NXPE2: variants seen among roughly 807,000 people sequenced by gnomAD.
The protein encoded by NXPE2 is NXPE family member 2.
In NXPE2, 34 loss-of-function variants were observed where a neutral mutation model predicts 34.4. That is an observed-to-expected ratio of 0.99 (90% CI 0.75 to 1.31). NXPE2 has a LOEUF of 1.31. NXPE2 is among the 40% of genes most tolerant of loss of function. The pLI is 0.00. For missense variants in NXPE2, 649 were observed against 672.5 expected, an observed-to-expected ratio of 0.97 and a Z score of 0.39; for synonymous variants, 235 against 231.3, an observed-to-expected ratio of 1.02 and a Z score of -0.15.
chr11:114,714,414 C>G, the NXPE2 span, among the ~76,000 whole-genome samples: 12 of 152,192 alleles, frequency 7.9e-5, no homozygotes, highest in African/African-American at 2.7e-4. Context: ...GGCTTTAGTC[C>G]TCTATAGGCT....
chr11:114,745,193 G>C, the NXPE2 span, among the ~76,000 whole-genome samples: 2 of 152,154 alleles, frequency 1.3e-5, no homozygotes, highest in African/African-American at 4.8e-5. Flanking sequence ...ACCTGAGGCT[G>C]GGTAATTTAT....
chr11:114,633,924 T>C, the NXPE2 span, among the ~76,000 whole-genome samples: 1 of 152,034 alleles, frequency 6.6e-6, no homozygotes, highest in Non-Finnish European at 1.5e-5. Context: ...AATAAACATA[T>C]GTGTGCATGT....
At chr11:114,621,255 G>A in the NXPE2 span, among the ~76,000 whole-genome samples, 14 of 152,036 alleles carry the variant, frequency 9.2e-5, no homozygotes, top group African/African-American at 2.2e-4. Context: ...TGGATAATAC[G>A]TGTTGCCTCA....
chr11:114,489,087 G>C, the NXPE2 span, among the ~76,000 whole-genome samples: 2,586 of 152,232 alleles, frequency 0.017, 80 homozygotes, highest in African/African-American at 0.058. Flanking sequence ...ACACCTCTAT[G>C]CAAATAAACT....
the NXPE2 span, among the ~76,000 whole-genome samples, chr11:114,491,100 T>C: frequency 1.4e-5 from 2 of 138,472 alleles, no homozygotes; most frequent in Non-Finnish European, 3.1e-5. Context: ...AAGCAGAGCT[T>C]GCAGTGAGCC....
the NXPE2 span, among the ~76,000 whole-genome samples, chr11:114,593,112 G>A: frequency 6.6e-6 from 1 of 152,048 alleles, no homozygotes; most frequent in Non-Finnish European, 1.5e-5. Context: ...GGACACTGAT[G>A]TAGCCAGAGG....
chr11:114,655,702 G>A, the NXPE2 span, among the ~76,000 whole-genome samples: 270 of 152,262 alleles, frequency 1.8e-3, 2 homozygotes, highest in Middle Eastern at 0.01. Flanking sequence ...TTTGGTAGCA[G>A]TACCATGCTG....
At chr11:114,604,512 C>A in the NXPE2 span, among the ~76,000 whole-genome samples, 2 of 152,004 alleles carry the variant, frequency 1.3e-5, no homozygotes, top group Non-Finnish European at 2.9e-5. Flanking sequence ...TCTTGGGTAA[C>A]CACTGTTACC....
the NXPE2 span, among the ~76,000 whole-genome samples, chr11:114,503,142 A>C: frequency 1.1e-4 from 16 of 151,180 alleles, no homozygotes; most frequent in African/African-American, 3.9e-4. Context: ...AGATGCTGCT[A>C]TTTGGGGGTG....
At chr11:114,806,811 C>A in the NXPE2 span, among the ~76,000 whole-genome samples, 2 of 151,756 alleles carry the variant, frequency 1.3e-5, no homozygotes, top group Non-Finnish European at 2.9e-5. Flanking sequence ...GCAAGGCAGG[C>A]CAACATTCAG....
At chr11:114,604,395 CAT>C in the NXPE2 span, among the ~76,000 whole-genome samples, 22 of 152,092 alleles carry the variant, frequency 1.4e-4, no homozygotes, top group African/African-American at 4.8e-4. Flanking sequence ...ACCACTGTTA[CAT>C]GATGGATAGT....
the NXPE2 span, among the ~76,000 whole-genome samples, chr11:114,774,756 T>C: frequency 6.6e-6 from 1 of 152,076 alleles, no homozygotes; most frequent in Non-Finnish European, 1.5e-5. Flanking sequence ...CCTTCTTGAC[T>C]CAAGCCCGAG....
chr11:114,781,117 T>G, the NXPE2 span, among the ~76,000 whole-genome samples: 1 of 152,208 alleles, frequency 6.6e-6, no homozygotes, highest in Non-Finnish European at 1.5e-5. Flanking sequence ...CCCTTATCCT[T>G]TATCCCTGCC....
chr11:114,813,610 C>T, the NXPE2 span, among the ~76,000 whole-genome samples: 1 of 152,164 alleles, frequency 6.6e-6, no homozygotes, highest in Non-Finnish European at 1.5e-5. Flanking sequence ...GCACAGTCTC[C>T]GGCCTCCACT....
At chr11:114,489,386 C>T in the NXPE2 span, among the ~76,000 whole-genome samples, 1 of 152,170 alleles carries the variant, frequency 6.6e-6, no homozygotes, top group African/African-American at 2.4e-5. Flanking sequence ...ATACCAAAGC[C>T]TGGCAGAGAC....
chr11:114,794,925 T>A, the NXPE2 span, among the ~76,000 whole-genome samples: 2 of 142,398 alleles, frequency 1.4e-5, no homozygotes, highest in Admixed American at 1.5e-4. Flanking sequence ...GCAAATTAAC[T>A]GCTTTGGAAC....
the NXPE2 span, among the ~76,000 whole-genome samples, chr11:114,747,931 T>A: frequency 6.6e-6 from 1 of 152,224 alleles, no homozygotes; most frequent in African/African-American, 2.4e-5. Flanking sequence ...TTCCTCCTAT[T>A]TAGCTGAATT....
At chr11:114,583,064 G>C in the NXPE2 span, 1 of 1,560,652 alleles carries the variant, frequency 6.4e-7, no homozygotes, top group South Asian at 1.2e-5. Flanking sequence ...TAAATTTAGA[G>C]CATATCTGAA....
the NXPE2 span, among the ~76,000 whole-genome samples, chr11:114,490,020 A>T: frequency 6.6e-6 from 1 of 152,232 alleles, no homozygotes; most frequent in East Asian, 1.9e-4. Context: ...TCAGGATACA[A>T]AATCAATGTG....
Sources: allele counts gnomAD v4.1 joint callset (sites outside exome capture counted in the v4.1 genomes callset), GRCh38; gene constraint gnomAD v4.1.1; transcripts MANE v1.5; gene names NCBI Gene and HGNC (gene_info 2026-07-23, HGNC 2026-07-21).